CDH13: variants seen among roughly 807,000 people sequenced by gnomAD.
CDH13 encodes cadherin 13, also known as cadherin-13.
In CDH13, 24 loss-of-function variants were observed where a neutral mutation model predicts 63.8. That is an observed-to-expected ratio of 0.38 (90% confidence interval 0.27 to 0.53). CDH13 has a LOEUF of 0.53. CDH13 is among the 20% of genes least tolerant of loss of function. The probability of loss-of-function intolerance (pLI) is 0.85; values close to 1 mark genes in which losing one functional copy is unlikely to be tolerated. For synonymous variants in CDH13, 503 were observed against 355.3 expected (o/e 1.42, Z -4.67); for missense variants, 1,049 against 903.1 (o/e 1.16, Z -2.07).
intron 2 of CDH13, among the ~76,000 whole-genome samples, chr16:82,966,298 G>T (rs560434278): frequency 1.3e-5 from 2 of 151,796 alleles, no homozygotes; most frequent in Non-Finnish European, 2.9e-5. Context: ...ACAGGCGCCC[G>T]CCACCACGCC....
chr16:83,770,454 G>A (rs1260697331), intron 11 of CDH13, among the ~76,000 whole-genome samples: 1 of 152,162 alleles, frequency 6.6e-6, no homozygotes, highest in Non-Finnish European at 1.5e-5. Context: ...CTGGAAAGAG[G>A]TCCCGATCCA....
At chr16:83,566,721 C>G (rs990246962) in intron 7 of CDH13, among the ~76,000 whole-genome samples, 1 of 152,194 alleles carries the variant, frequency 6.6e-6, no homozygotes. Context: ...AGCACTCTGC[C>G]TTCAGGGTTG....
intron 6 of CDH13, among the ~76,000 whole-genome samples, chr16:83,379,938 T>TATATATATATAGAG: frequency 3.2e-5 from 4 of 123,444 alleles, no homozygotes; most frequent in Non-Finnish European, 3.3e-5. Context: ...TATATATATA[T>TATATATATATAGAG]AGAGAGAGAG....
intron 1 of CDH13, among the ~76,000 whole-genome samples, chr16:82,647,815 A>G (rs1910275155): frequency 6.6e-6 from 1 of 152,130 alleles, no homozygotes; most frequent in African/African-American, 2.4e-5. Flanking sequence ...GTCAGTGTCT[A>G]ATGTGGTAAG....
At chr16:83,262,254 C>T (rs564406656) in intron 5 of CDH13, among the ~76,000 whole-genome samples, 2 of 152,160 alleles carry the variant, frequency 1.3e-5, no homozygotes, top group African/African-American at 2.4e-5. Flanking sequence ...CCCCAGACCA[C>T]ATGGGGTAAT....
rs917245132 is a variant in CDH13, at chr16:83,396,025, A to G, written c.781+51019A>G. On this transcript the variant is annotated intron_variant, in intron 6 of 13. Coordinates refer to ENST00000567109, the MANE Select transcript of CDH13 (RefSeq NM_001257.5). ...GTGTTCTCATCATTTAGCTCCCACT[A>G]TGAGTGGGAACATGTGGTATTTGGT... is the stretch of plus-strand genomic sequence containing the variant. Among the ~76,000 whole-genome samples the G allele has an allele frequency of 5.3e-5, 8 of 152,202 alleles. No individual in the cohort carries two copies. The East Asian group carries it at 1.2e-3, about 22-fold the overall frequency.
chr16:83,327,905 G>A (rs1033756189), intron 5 of CDH13, among the ~76,000 whole-genome samples: 5 of 152,202 alleles, frequency 3.3e-5, no homozygotes. Flanking sequence ...GTCCGAAGCG[G>A]GTGGATCACG....
At chr16:83,741,098 G>A (rs1219724747) in intron 10 of CDH13, among the ~76,000 whole-genome samples, 6 of 152,160 alleles carry the variant, frequency 3.9e-5, no homozygotes, top group African/African-American at 1.2e-4. Context: ...GACTGTGATG[G>A]GCTGTGACTG....
chr16:83,589,375 C>T (rs61226856), intron 7 of CDH13, among the ~76,000 whole-genome samples: 35,279 of 145,114 alleles, frequency 0.24, 4,984 homozygotes, highest in African/African-American at 0.38. Flanking sequence ...TCTCCCTCTC[C>T]CCCAACACCA....
intron 3 of CDH13, among the ~76,000 whole-genome samples, chr16:83,123,393 C>T (rs2035672741): frequency 6.6e-6 from 1 of 152,078 alleles, no homozygotes; most frequent in Non-Finnish European, 1.5e-5. Flanking sequence ...GATTCTCCTG[C>T]CTCAGCCTCA....
chr16:83,343,149 G>A (rs1326254037), intron 5 of CDH13, among the ~76,000 whole-genome samples: 3 of 151,802 alleles, frequency 2.0e-5, no homozygotes, highest in Non-Finnish European at 2.9e-5. Flanking sequence ...TGAATTTGCT[G>A]GTAAAAGGAT....
At chr16:83,347,449 G>T (rs1175669534) in intron 6 of CDH13, among the ~76,000 whole-genome samples, 1 of 152,128 alleles carries the variant, frequency 6.6e-6, no homozygotes, top group Non-Finnish European at 1.5e-5. Flanking sequence ...ATGGGAGTCA[G>T]TGCATAACCT....
chr16:82,853,232 C>T lies in CDH13; in HGVS notation c.46-5130C>T, dbSNP rs893296191. ...TGCAGCTGATCCTGAGATGCAAACA[C>T]CCCATGATCTTCTGCTGTCTGATTC... On this transcript the variant is annotated intron_variant, in intron 1 of 13. Transcript: ENST00000567109. 3.3e-5 allele frequency among the ~76,000 whole-genome samples: 5 copies of T among 152,172 alleles called. No homozygotes were observed. In the South Asian group the frequency reaches 1.0e-3, roughly 32 times the overall value.
At chr16:83,176,251 C>T (rs1213708497) in intron 4 of CDH13, among the ~76,000 whole-genome samples, 2 of 151,968 alleles carry the variant, frequency 1.3e-5, no homozygotes, top group Admixed American at 6.5e-5. Flanking sequence ...GTGGCTCACG[C>T]CTGTAATCCC....
intron 3 of CDH13, among the ~76,000 whole-genome samples, chr16:83,078,307 G>T (rs1474144456): frequency 3.3e-5 from 5 of 152,124 alleles, no homozygotes; most frequent in Non-Finnish European, 7.3e-5. Flanking sequence ...CCAGGGACTG[G>T]TTTCATGGAA....
At chr16:82,882,674 C>A (rs905700709) in intron 2 of CDH13, among the ~76,000 whole-genome samples, 7 of 151,992 alleles carry the variant, frequency 4.6e-5, no homozygotes, top group African/African-American at 1.7e-4. Flanking sequence ...TTTTCCCTCT[C>A]TCTCTCCCTT....
intron 3 of CDH13, among the ~76,000 whole-genome samples, chr16:83,085,354 C>T (rs754206145): frequency 3.3e-5 from 5 of 152,032 alleles, no homozygotes; most frequent in Non-Finnish European, 4.4e-5. Context: ...TCCCACAACA[C>T]GTGGGAATTC....
At chr16:83,465,331 G>C (rs1023869453) in intron 6 of CDH13, among the ~76,000 whole-genome samples, 3 of 152,084 alleles carry the variant, frequency 2.0e-5, no homozygotes, top group African/African-American at 7.2e-5. Context: ...ATTACAAGAG[G>C]GTCCCTGAGA....
At chr16:82,812,625 C>T (rs2037504883) in intron 1 of CDH13, among the ~76,000 whole-genome samples, 1 of 152,050 alleles carries the variant, frequency 6.6e-6, no homozygotes, top group African/African-American at 2.4e-5. Flanking sequence ...TAATTTTACA[C>T]AGGCTGTGTT....
Sources: allele counts gnomAD v4.1 joint callset (sites outside exome capture counted in the v4.1 genomes callset), GRCh38; gene constraint gnomAD v4.1.1; transcripts MANE v1.5; gene names NCBI Gene and HGNC (gene_info 2026-07-23, HGNC 2026-07-21).